The following SCIN variants were observed in gnomAD, a reference collection of about 807,000 sequenced individuals.
SCIN encodes the protein scinderin, also known as adseverin.
Under a neutral mutation model 91.8 loss-of-function variants are expected in SCIN, and 91 were observed. The ratio of observed to expected loss-of-function variants is 0.99; its 90% CI spans 0.84 to 1.18. The LOEUF (loss-of-function observed/expected upper bound fraction) is 1.18. Ranked by LOEUF, SCIN falls within the 50% of genes most tolerant of loss-of-function variation. The probability of loss-of-function intolerance (pLI) is 0.00; values close to 1 mark genes in which losing one functional copy is unlikely to be tolerated. For synonymous variants in SCIN, 367 were observed against 312.6 expected (o/e 1.17, Z -1.84); for missense variants, 1,087 against 863.9 (o/e 1.26, Z -3.24).
At position 12,626,336 on chromosome 7, in the gene SCIN, C is replaced by CCTTGT. The variant is rs1476825496; in HGVS notation, c.982-245_982-244insGTCTT. On this transcript the variant is annotated intron_variant, in intron 7 of 15. Coordinates refer to ENST00000297029, the MANE Select transcript of SCIN (RefSeq NM_001112706.3). ...TTCCAGGTCACAGAGCTCTTGTGAA[C>CCTTGT]CTTATGTAGAAAGACAAACTTATTT... 1.1e-5 allele frequency: 5 copies of CCTTGT among 473,390 alleles called. No individual in the cohort carries two copies. The Admixed American group carries it at 1.2e-4, about 11-fold the overall frequency. The allele number at this position is 473,390 out of a possible 1,614,324, so 29.3% of individuals were successfully genotyped here.
At chr7:12,587,800 C>G (rs1782620835) in intron 3 of SCIN, among the ~76,000 whole-genome samples, 2 of 152,120 alleles carry the variant, frequency 1.3e-5, no homozygotes, top group African/African-American at 4.8e-5. Context: ...AGATTTCCTA[C>G]TTTTTTCAGT....
At chr7:12,596,441 GA>G (rs770642816) in intron 3 of SCIN, 39 of 456,136 alleles carry the variant, frequency 8.6e-5, no homozygotes, top group African/African-American at 4.0e-5. Flanking sequence ...GAACCTTCAG[GA>G]AATGGCCTCT....
chr7:12,578,946 C>A (rs1782433795), intron 2 of SCIN, among the ~76,000 whole-genome samples: 1 of 85,892 alleles, frequency 1.2e-5, no homozygotes, highest in Non-Finnish European at 2.4e-5. Flanking sequence ...AGTTAGCTTT[C>A]CAGACTGGCC....
At chr7:12,575,646 G>A (rs760932123) in intron 1 of SCIN, among the ~76,000 whole-genome samples, 1 of 152,072 alleles carries the variant, frequency 6.6e-6, no homozygotes, top group African/African-American at 2.4e-5. Context: ...TTCATAGGAT[G>A]TACACAAGTC....
intron 4 of SCIN, among the ~76,000 whole-genome samples, chr7:12,610,655 A>G (rs1783171753): frequency 6.6e-6 from 1 of 152,226 alleles, no homozygotes; most frequent in Admixed American, 6.5e-5. Flanking sequence ...GTAGACATGA[A>G]CAAAGTCATA....
In SCIN at chr7:12,629,898, C is replaced by A. The variant is rs551785604; in HGVS notation, c.1319+676C>A. Among the ~76,000 whole-genome samples, 94 of 152,124 alleles carry A rather than the reference C, an allele frequency of 6.2e-4. 1 individual carries two copies. Among genetic ancestry groups the A allele is most frequent in the African/African-American group, 2.1e-3 (87 of 41,498 alleles). On this transcript the variant is annotated intron_variant, in intron 9 of 15. Transcript: ENST00000297029. The stretch of plus-strand genomic sequence containing the variant: ...AACAAATTATATAATGTGAAATTCT[C>A]TAACTTTTTATTAAGTGAAATCAGG...
At chr7:12,625,282 G>A (rs1338135836) in intron 6 of SCIN, 140 bp downstream of exon 6, 16 of 752,338 alleles carry the variant, frequency 2.1e-5, no homozygotes, top group Non-Finnish European at 3.0e-5. Context: ...CACATAAAAT[G>A]CAGCCATTTT....
rs570382579 is a variant in SCIN at position 12,649,509 on chromosome 7, G to A, written c.1924G>A (p.Glu642Lys). 26 of 1,603,316 alleles carry A rather than the reference G, an allele frequency of 1.6e-5. 1 individual carries two copies. The South Asian group carries it at 2.6e-4, about 16-fold the overall frequency. The change falls in exon 14 of 16, where the codon GAA (glutamate) becomes AAA (lysine). Residue 642 changes from glutamate to lysine, a missense_variant. Glu to Lys is a moderately conservative substitution (Grantham distance 56). Coordinates refer to ENST00000297029, the MANE Select transcript of SCIN (RefSeq NM_001112706.3). Reference sequence around the variant, plus strand: ...AGAGTTCACCCAGGATGATTTAGCTGAAGATGATGTCATGTTACTAGATGC... The same window carrying A: ...AGAGTTCACCCAGGATGATTTAGCTAAAGATGATGTCATGTTACTAGATGC... ...PGEFTQDDLA[E>K]DDVMLLDAWE...
At chr7:12,631,307 G>A (rs536617494) in intron 9 of SCIN, among the ~76,000 whole-genome samples, 1 of 152,254 alleles carries the variant, frequency 6.6e-6, no homozygotes, top group South Asian at 2.1e-4. Flanking sequence ...GAGCTTATAC[G>A]TAATGAGAAA....
At chr7:12,597,472 C>T (rs760475428) in intron 3 of SCIN, among the ~76,000 whole-genome samples, 8 of 152,212 alleles carry the variant, frequency 5.3e-5, no homozygotes, top group Non-Finnish European at 1.0e-4. Flanking sequence ...GTTGAGTCAA[C>T]ATCGCATAGG....
chr7:12,658,851 T>C lies in SCIN; in HGVS notation c.*6136T>C, dbSNP rs970450299. The C allele has an allele frequency of 6.6e-6, 1 of 152,228 alleles. No homozygotes were observed. The highest frequency in any genetic ancestry group is 1.5e-5 in the Non-Finnish European group (1 of 68,038). 9.4% of individuals were successfully genotyped at this position (152,228 alleles called of 1,614,324 possible). On this transcript the variant is annotated 3_prime_UTR_variant, in exon 16 of 16. Coordinates refer to ENST00000297029, the MANE Select transcript of SCIN (RefSeq NM_001112706.3). ...AGTAGAAATTGTAATTACTGTAGAA[T>C]GTATAGTGTTTTGAATGGCTATTGT...
rs749762911 is a variant in SCIN at position 12,578,220 on chromosome 7, T to C, written c.354+2T>C. ...TTCAAAGGCGGTCTGAAATACAAGG[T>C]AAGCAGCTCCCTCAGTTTCCATTAT... On this transcript the variant is annotated splice_donor_variant, in intron 2 of 15. Transcript: ENST00000297029. LOFTEE classifies it high-confidence loss of function. 8.4e-6 allele frequency: 13 copies of C among 1,544,428 alleles called. No homozygotes were observed. The highest frequency in any genetic ancestry group is 6.0e-5 in the Admixed American group (3 of 49,756).
At chr7:12,586,975 T>C (rs1782600937) in intron 3 of SCIN, among the ~76,000 whole-genome samples, 1 of 152,034 alleles carries the variant, frequency 6.6e-6, no homozygotes. Flanking sequence ...GATACAAAAT[T>C]ACAGCAATAT....
At chr7:12,587,630 G>A (rs1332750439) in intron 3 of SCIN, among the ~76,000 whole-genome samples, 3 of 152,118 alleles carry the variant, frequency 2.0e-5, no homozygotes, top group Non-Finnish European at 4.4e-5. Context: ...AGAATTGTGG[G>A]ACACGGTATC....
At chr7:12,601,865 A>G (rs932948073) in intron 3 of SCIN, among the ~76,000 whole-genome samples, 1 of 152,228 alleles carries the variant, frequency 6.6e-6, no homozygotes, top group African/African-American at 2.4e-5. Context: ...TTTCTACATC[A>G]GTATTTAAAC....
chr7:12,627,997 C>G (rs1371000321), intron 8 of SCIN, among the ~76,000 whole-genome samples: 1 of 151,714 alleles, frequency 6.6e-6, no homozygotes, highest in Admixed American at 6.6e-5. Flanking sequence ...AAAGAGTCTG[C>G]CCTTCCCAAC....
At chr7:12,624,013 C>G (rs1298115356) in intron 5 of SCIN, among the ~76,000 whole-genome samples, 1 of 152,174 alleles carries the variant, frequency 6.6e-6, no homozygotes, top group Admixed American at 6.6e-5. Context: ...AACTGTTCTC[C>G]CTCCTGGACA....
chr7:12,622,979 C>A (rs1783441425), intron 5 of SCIN, 86 bp downstream of exon 5: 6 of 817,308 alleles, frequency 7.3e-6, no homozygotes, highest in Non-Finnish European at 1.2e-5. Context: ...CCCGTTGCTG[C>A]AGTTGAGAAC....
chr7:12,596,644 G>T (rs1269520425), intron 3 of SCIN, among the ~76,000 whole-genome samples: 1 of 151,920 alleles, frequency 6.6e-6, no homozygotes, highest in Non-Finnish European at 1.5e-5. Context: ...CACCAACTTA[G>T]GTGGCTGGCA....
Sources: gnomAD v4.1 joint callset for allele counts (sites outside exome capture counted in the v4.1 genomes callset) on GRCh38, gnomAD v4.1.1 for gene constraint, MANE v1.5 for transcripts, NCBI Gene and HGNC (gene_info 2026-07-23, HGNC 2026-07-21) for gene names.